ATRNL1: variants seen among roughly 807,000 people sequenced by gnomAD.
ATRNL1 encodes the protein attractin-like protein 1.
A neutral mutation model predicts 182.7 loss-of-function variants in ATRNL1; 95 were observed. That is an observed-to-expected ratio of 0.52 (90% confidence interval 0.44 to 0.62). ATRNL1 has a LOEUF of 0.62. Ranked by LOEUF, ATRNL1 falls within the 20% of genes least tolerant of loss-of-function variation. The pLI, the probability that ATRNL1 is intolerant of heterozygous loss-of-function variation, is 0.00. For synonymous variants in ATRNL1, 576 were observed against 568.3 expected (o/e 1.01, Z -0.19); for missense variants, 1,471 against 1,679.5 (o/e 0.88, Z 2.17).
At chr10:115,868,424 A>G (rs1951490011) in intron 28 of ATRNL1, among the ~76,000 whole-genome samples, 1 of 152,110 alleles carries the variant, frequency 6.6e-6, no homozygotes, top group Non-Finnish European at 1.5e-5. Context: ...CAACCCACTC[A>G]TTACCCTAAG....
At position 115,097,367 on chromosome 10, in the gene ATRNL1, T is replaced by C. The variant is rs529057425; in HGVS notation, c.293+3324T>C. Among the ~76,000 whole-genome samples, 3 of 152,262 alleles carry C rather than the reference T, an allele frequency of 2.0e-5. No individual in the cohort carries two copies. In the South Asian group the frequency reaches 6.2e-4, roughly 32 times the overall value. On this transcript the variant is annotated intron_variant, in intron 1 of 28. Transcript: ENST00000355044. ...TGGGCATGGTGGCACACACCTGTGGTCACAGCTACAAGAGAGAGTGAGGCG... is the reference window on the plus strand; with the variant it reads ...TGGGCATGGTGGCACACACCTGTGGCCACAGCTACAAGAGAGAGTGAGGCG...
intron 8 of ATRNL1, among the ~76,000 whole-genome samples, chr10:115,198,642 T>A (rs1382717064): frequency 2.0e-5 from 3 of 152,220 alleles, no homozygotes; most frequent in African/African-American, 4.8e-5. Flanking sequence ...ATTTCGTGTC[T>A]TATCTTTAAG....
chr10:115,496,631 G>A (rs1378189980), intron 24 of ATRNL1, among the ~76,000 whole-genome samples: 7 of 152,120 alleles, frequency 4.6e-5, no homozygotes, highest in Admixed American at 1.3e-4. Context: ...CGATGTGGAC[G>A]TTTAGCACTA....
chr10:115,694,172 G>GCGCACA (rs1555049050), intron 26 of ATRNL1, among the ~76,000 whole-genome samples: 1 of 146,932 alleles, frequency 6.8e-6, no homozygotes, highest in South Asian at 2.2e-4. Context: ...CTACACAGAC[G>GCGCACA]CACACACACA....
intron 26 of ATRNL1, among the ~76,000 whole-genome samples, chr10:115,596,400 C>G (rs1856244422): frequency 6.6e-6 from 1 of 152,164 alleles, no homozygotes; most frequent in Admixed American, 6.5e-5. Flanking sequence ...GCCACCACGC[C>G]CGGCCCGTCA....
chr10:115,895,344 C>T (rs1952179628), intron 28 of ATRNL1, among the ~76,000 whole-genome samples: 1 of 152,166 alleles, frequency 6.6e-6, no homozygotes, highest in African/African-American at 2.4e-5. Flanking sequence ...ATTCAGTATT[C>T]CCGGGTGCAG....
intron 28 of ATRNL1, among the ~76,000 whole-genome samples, chr10:115,893,016 G>A (rs1055108843): frequency 1.3e-5 from 2 of 152,170 alleles, no homozygotes; most frequent in Admixed American, 1.3e-4. Flanking sequence ...ACCTAGGGAG[G>A]AGAGAATTTC....
chr10:115,250,435 C>A (rs543992781), intron 10 of ATRNL1, among the ~76,000 whole-genome samples: 1 of 152,314 alleles, frequency 6.6e-6, no homozygotes, highest in South Asian at 2.1e-4. Context: ...AACAGTGACA[C>A]TACCAATAAC....
At chr10:115,925,849 T>A (rs1208257591) in intron 28 of ATRNL1, among the ~76,000 whole-genome samples, 1 of 152,234 alleles carries the variant, frequency 6.6e-6, no homozygotes, top group South Asian at 2.1e-4. Flanking sequence ...ATTAGACGGA[T>A]CAATGAGACA....
chr10:115,774,848 G>A (rs139027853), intron 27 of ATRNL1, among the ~76,000 whole-genome samples: 3 of 150,362 alleles, frequency 2.0e-5, no homozygotes, highest in Admixed American at 1.3e-4. Context: ...CTCAGTTATA[G>A]TTGGAGTTAG....
At chr10:115,585,597 G>T in intron 26 of ATRNL1, among the ~76,000 whole-genome samples, 1 of 10,202 alleles carries the variant, frequency 9.8e-5, no homozygotes. Context: ...TTTTCCATTT[G>T]CTTGGTAGAT....
chr10:115,577,758 A>G (rs1167876618), intron 26 of ATRNL1, among the ~76,000 whole-genome samples: 1 of 151,054 alleles, frequency 6.6e-6, no homozygotes, highest in Non-Finnish European at 1.5e-5. Flanking sequence ...TTCTTGTCTG[A>G]TTGCTCCTGC....
intron 8 of ATRNL1, among the ~76,000 whole-genome samples, chr10:115,177,582 C>A (rs1361207066): frequency 1.3e-5 from 2 of 152,128 alleles, no homozygotes; most frequent in Admixed American, 6.6e-5. Context: ...TAACTATTAA[C>A]CCTGTCAGTT....
At chr10:115,241,142 A>G (rs1307895034) in intron 9 of ATRNL1, among the ~76,000 whole-genome samples, 1 of 151,974 alleles carries the variant, frequency 6.6e-6, no homozygotes, top group Non-Finnish European at 1.5e-5. Flanking sequence ...ATAAAATCTT[A>G]AAAGTTTATT....
intron 1 of ATRNL1, among the ~76,000 whole-genome samples, chr10:115,119,246 G>A (rs1473430508): frequency 6.6e-6 from 1 of 151,896 alleles, no homozygotes. Flanking sequence ...CCTGATTTAG[G>A]TAAATTAAAG....
chr10:115,616,346 G>A (rs1361415128), intron 26 of ATRNL1, among the ~76,000 whole-genome samples: 1 of 152,160 alleles, frequency 6.6e-6, no homozygotes, highest in Non-Finnish European at 1.5e-5. Context: ...GAAATGACTT[G>A]AAACTGGAAG....
chr10:115,747,886 A>G (rs1032463269), intron 27 of ATRNL1, among the ~76,000 whole-genome samples: 1 of 152,016 alleles, frequency 6.6e-6, no homozygotes, highest in Non-Finnish European at 1.5e-5. Context: ...GTATCCTCTT[A>G]TGGTGAAAGA....
intron 20 of ATRNL1, among the ~76,000 whole-genome samples, chr10:115,404,430 G>T (rs186006744): frequency 9.2e-5 from 14 of 152,276 alleles, no homozygotes; most frequent in African/African-American, 3.1e-4. Context: ...TCATTCAGCA[G>T]TTCAATGGAG....
At chr10:115,832,425 T>C (rs958814568) in intron 27 of ATRNL1, among the ~76,000 whole-genome samples, 1 of 152,198 alleles carries the variant, frequency 6.6e-6, no homozygotes, top group South Asian at 2.1e-4. Context: ...ACCCTTTCTG[T>C]TGTGTTTCTT....
Sources: gnomAD v4.1 joint callset for allele counts (sites outside exome capture counted in the v4.1 genomes callset) on GRCh38, gnomAD v4.1.1 for gene constraint, MANE v1.5 for transcripts, NCBI Gene and HGNC (gene_info 2026-07-23, HGNC 2026-07-21) for gene names.